ESYT2: variants seen among roughly 807,000 people sequenced by gnomAD.
The protein encoded by ESYT2 is extended synaptotagmin 2, also known as extended synaptotagmin-2.
A neutral mutation model predicts 107.2 loss-of-function variants in ESYT2; 54 were observed. The ratio of observed to expected loss-of-function variants is 0.50; its 90% CI spans 0.40 to 0.63. ESYT2 has a LOEUF of 0.63. ESYT2 is among the 30% of genes least tolerant of loss of function. ESYT2 has a pLI of 0.00. For missense variants in ESYT2, 1,020 were observed against 1,094.5 expected, an observed-to-expected ratio of 0.93 and a Z score of 0.96; for synonymous variants, 491 against 434.1, an observed-to-expected ratio of 1.13 and a Z score of -1.63.
intron 1 of ESYT2, among the ~76,000 whole-genome samples, chr7:158,823,376 G>A (rs904871360): frequency 4.0e-5 from 6 of 148,722 alleles, no homozygotes; most frequent in African/African-American, 1.2e-4. Context: ...GCCCAGGCTG[G>A]AGTGCAGTGG....
intron 6 of ESYT2, among the ~76,000 whole-genome samples, chr7:158,783,455 T>C (rs532468162): frequency 1.2e-4 from 18 of 152,308 alleles, no homozygotes; most frequent in African/African-American, 4.1e-4. Flanking sequence ...CCCACCTTTC[T>C]CCAGTTTTTT....
At chr7:158,754,904 C>T (rs1022253354) in intron 13 of ESYT2, among the ~76,000 whole-genome samples, 5 of 152,134 alleles carry the variant, frequency 3.3e-5, no homozygotes, top group African/African-American at 9.7e-5. Context: ...CAAGTAGCAA[C>T]CTGAGACCCC....
intron 6 of ESYT2, among the ~76,000 whole-genome samples, chr7:158,781,229 G>A (rs1236092727): frequency 6.7e-6 from 1 of 150,186 alleles, no homozygotes; most frequent in East Asian, 2.0e-4. Context: ...AGTGTGAGGT[G>A]TGTGTAAGAA....
rs1836791146 is a variant in ESYT2 at position 158,732,777 on chromosome 7, C to G, written c.*1430G>C. 1 of 152,608 alleles carries G rather than the reference C, an allele frequency of 6.6e-6. No homozygotes were observed. Among genetic ancestry groups the G allele is most frequent in the Non-Finnish European group, 1.5e-5 (1 of 68,036 alleles). The allele number at this position is 152,608 out of a possible 1,614,324, so 9.5% of individuals were successfully genotyped here. A position where few individuals can be genotyped will look rare whatever the true frequency, so the allele number is the denominator to read the frequency against. ...AAGCTAAAAGCTCCAATTTAAATTA[C>G]AAAGCTATACTTTCCTTAATATATT... is the stretch of plus-strand genomic sequence containing the variant. On this transcript the variant is annotated 3_prime_UTR_variant, in exon 23 of 23. Transcript: ENST00000275418.
intron 13 of ESYT2, among the ~76,000 whole-genome samples, chr7:158,757,662 G>A (rs564439249): frequency 7.0e-6 from 1 of 143,768 alleles, no homozygotes; most frequent in Non-Finnish European, 1.5e-5. Flanking sequence ...CAGGCACCCC[G>A]CGGCTCTGCA....
intron 1 of ESYT2, among the ~76,000 whole-genome samples, chr7:158,821,001 T>C (rs1299285736): frequency 6.6e-6 from 1 of 152,212 alleles, no homozygotes; most frequent in African/African-American, 2.4e-5. Flanking sequence ...GACTCATTTT[T>C]AATGCTTACA....
chr7:158,766,609 T>C (rs1410527423), intron 8 of ESYT2, among the ~76,000 whole-genome samples: 1 of 152,254 alleles, frequency 6.6e-6, no homozygotes, highest in Non-Finnish European at 1.5e-5. Flanking sequence ...TGTCTGTTAA[T>C]TTGTGCACCA....
chr7:158,760,558 C>T lies in ESYT2; in HGVS notation c.1234-411G>A, dbSNP rs903894257. Reference sequence around the variant, plus strand: ...CTGTGTTGCCCAGGCTGGGCTCAAGCGATCCTCCTGCCTCAGCCTCCCCAG... The same window carrying T: ...CTGTGTTGCCCAGGCTGGGCTCAAGTGATCCTCCTGCCTCAGCCTCCCCAG... On this transcript the variant is annotated intron_variant, in intron 11 of 22. Coordinates refer to ENST00000275418, the MANE Select transcript of ESYT2 (RefSeq NM_001367773.1). Among the ~76,000 whole-genome samples, 4 of 152,142 alleles carry T rather than the reference C, an allele frequency of 2.6e-5. No individual in the cohort carries two copies. The East Asian group carries it at 5.8e-4, about 22-fold the overall frequency.
chr7:158,821,644 G>A (rs1311242593), intron 1 of ESYT2, among the ~76,000 whole-genome samples: 5 of 152,224 alleles, frequency 3.3e-5, no homozygotes, highest in African/African-American at 1.2e-4. Flanking sequence ...ACTCCTCCCA[G>A]GTCATGGGGA....
Position 158,773,369 on chromosome 7 carries a change from T to C in ESYT2, c.775A>G (p.Thr259Ala). Reference protein sequence around the residue: ...PLLEINWTGLTNLLDVPGLNG... With the variant: ...PLLEINWTGLANLLDVPGLNG... The stretch of plus-strand genomic sequence containing the variant: ...AATCCAGGGACATCCAGAAGATTCG[T>C]CAGTCCTGTCCAGTTAATTTCTAAA... The change falls in exon 7 of 23, where the codon ACG becomes GCG. Residue 259 changes from threonine to alanine, a missense_variant. Thr to Ala is a moderately conservative substitution (Grantham distance 58). Transcript: ENST00000275418. 6.2e-7 allele frequency: 1 copy of C among 1,614,184 alleles called. No individual in the cohort carries two copies. Among genetic ancestry groups the C allele is most frequent in the Admixed American group, 1.7e-5 (1 of 60,024 alleles).
At chr7:158,828,841 C>CA (rs1181162978) in intron 1 of ESYT2, among the ~76,000 whole-genome samples, 1 of 146,588 alleles carries the variant, frequency 6.8e-6, no homozygotes, top group Non-Finnish European at 1.5e-5. Context: ...GCGGGGTCTG[C>CA]ACTCACCTAG....
At chr7:158,803,806 C>CTGTTGAGAAGGGTGAGG (rs1839718335) in intron 1 of ESYT2, among the ~76,000 whole-genome samples, 3 of 146,674 alleles carry the variant, frequency 2.0e-5, no homozygotes, top group African/African-American at 7.6e-5. Context: ...CAAACCCAAA[C>CTGTTGAGAAGGGTGAGG]CGTTGAGAAG....
chr7:158,790,780 TAGTC>T lies in ESYT2; in HGVS notation c.585-2367_585-2364del, dbSNP rs561826093. 6.2e-4 allele frequency among the ~76,000 whole-genome samples: 94 copies of T among 152,110 alleles called. 1 individual carries two copies. Among genetic ancestry groups the T allele is most frequent in the Middle Eastern group, 6.8e-3 (2 of 294 alleles). On this transcript the variant is annotated intron_variant, in intron 4 of 22. Transcript: ENST00000275418. ...TTGTCTCTACTAAAAGCATAAAAAT[TAGTC>T]AGGCATGGTGGCATGTGCCTGTAAT... is the stretch of plus-strand genomic sequence containing the variant.
At chr7:158,806,075 G>A (rs842429) in intron 1 of ESYT2, among the ~76,000 whole-genome samples, 76,751 of 151,384 alleles carry the variant, frequency 0.51, 23,439 homozygotes, top group Non-Finnish European at 0.66. Context: ...GGGGCACACC[G>A]CGTGGGAGGC....
chr7:158,736,098 C>T (rs1836935607), intron 20 of ESYT2, among the ~76,000 whole-genome samples: 2 of 152,214 alleles, frequency 1.3e-5, no homozygotes, highest in African/African-American at 4.8e-5. Flanking sequence ...CCAGACGCTG[C>T]ACTAAAGTGC....
chr7:158,763,331 A>G (rs1168150207), intron 9 of ESYT2, among the ~76,000 whole-genome samples, 166 bp from the exon 10 acceptor site: 3 of 151,976 alleles, frequency 2.0e-5, no homozygotes, highest in Non-Finnish European at 4.4e-5. Context: ...GTCTCGCTCT[A>G]TCTCCCAGGT....
intron 1 of ESYT2, among the ~76,000 whole-genome samples, chr7:158,818,195 T>C (rs1355989017): frequency 6.6e-6 from 1 of 152,216 alleles, no homozygotes; most frequent in Non-Finnish European, 1.5e-5. Flanking sequence ...ATGTACAAAA[T>C]GTAAAATTAA....
At chr7:158,747,984 G>C (rs1194597385) in intron 16 of ESYT2, among the ~76,000 whole-genome samples, 2 of 152,192 alleles carry the variant, frequency 1.3e-5, no homozygotes, top group Non-Finnish European at 2.9e-5. Flanking sequence ...ATAAAATCCT[G>C]GAAAATGTGA....
intron 18 of ESYT2, 60 bp from the exon 19 acceptor site, chr7:158,739,181 T>C (rs766564956): frequency 2.1e-5 from 30 of 1,413,200 alleles, no homozygotes; most frequent in Non-Finnish European, 2.8e-5. Flanking sequence ...TTGTGATTCA[T>C]TGGTCCACTG....
Sources: gnomAD v4.1 joint callset for allele counts (sites outside exome capture counted in the v4.1 genomes callset) on GRCh38, gnomAD v4.1.1 for gene constraint, MANE v1.5 for transcripts, NCBI Gene and HGNC (gene_info 2026-07-23, HGNC 2026-07-21) for gene names.